The following APP variants were observed in gnomAD, a reference collection of about 807,000 sequenced individuals.
The protein encoded by APP is amyloid-beta precursor protein.
APP carries 31 observed loss-of-function variants against 101.4 expected under a neutral mutation model. The observed-to-expected ratio is 0.31, with a 90% CI of 0.23 to 0.41. APP has a LOEUF of 0.41. Among genes scored for constraint, APP ranks in the 10% least tolerant of loss-of-function variants. APP has a pLI of 1.00. For missense variants in APP, 839 were observed against 1,003.7 expected, an observed-to-expected ratio of 0.84 and a Z score of 2.22; for synonymous variants, 366 against 364.4, an observed-to-expected ratio of 1.00 and a Z score of -0.05.
At chr21:25,918,416 C>G (rs914050431) in intron 13 of APP, among the ~76,000 whole-genome samples, 1 of 152,140 alleles carries the variant, frequency 6.6e-6, no homozygotes, top group African/African-American at 2.4e-5. Flanking sequence ...GTCTACAGCT[C>G]CCAGCGTGAG....
intron 13 of APP, chr21:25,942,830 T>A (rs555045335): frequency 6.6e-6 from 1 of 152,192 alleles, no homozygotes; most frequent in Non-Finnish European, 1.5e-5. Context: ...ACGCTCAGGG[T>A]ATTAAGTATA....
At chr21:26,129,909 G>A (rs1338295555) in intron 1 of APP, among the ~76,000 whole-genome samples, 1 of 152,168 alleles carries the variant, frequency 6.6e-6, no homozygotes, top group Non-Finnish European at 1.5e-5. Context: ...TAGAGGGAAG[G>A]TCTTTAGAAA....
At chr21:26,044,766 C>T (rs540400861) in intron 5 of APP, among the ~76,000 whole-genome samples, 6 of 152,216 alleles carry the variant, frequency 3.9e-5, no homozygotes, top group Non-Finnish European at 5.9e-5. Context: ...CTCGAACTCC[C>T]AACCTCAGGC....
intron 3 of APP, among the ~76,000 whole-genome samples, chr21:26,056,631 T>C (rs1042411075): frequency 2.7e-5 from 4 of 150,078 alleles, no homozygotes; most frequent in Non-Finnish European, 5.9e-5. Flanking sequence ...AAGTGGTTAC[T>C]GAACTTTCTA....
chr21:25,905,883 G>T (rs2038763291), intron 14 of APP, among the ~76,000 whole-genome samples: 1 of 152,180 alleles, frequency 6.6e-6, no homozygotes, highest in African/African-American at 2.4e-5. Flanking sequence ...GCTGGCGTTT[G>T]AAGAAACAAG....
At chr21:25,991,569 G>A (rs578097853) in intron 8 of APP, among the ~76,000 whole-genome samples, 1 of 152,146 alleles carries the variant, frequency 6.6e-6, no homozygotes, top group Non-Finnish European at 1.5e-5. Context: ...GCAGAGATGG[G>A]GTTTCGCCAT....
intron 1 of APP, among the ~76,000 whole-genome samples, chr21:26,153,945 C>T (rs1447845272): frequency 6.6e-6 from 1 of 152,160 alleles, no homozygotes; most frequent in Non-Finnish European, 1.5e-5. Context: ...AAAAGTTCAT[C>T]CATCATGCAT....
intron 2 of APP, among the ~76,000 whole-genome samples, chr21:26,097,248 C>T (rs986927541): frequency 1.3e-5 from 2 of 152,192 alleles, no homozygotes; most frequent in Admixed American, 6.5e-5. Context: ...CCACTTGCTA[C>T]CTCCTATTCT....
chr21:26,103,825 T>G (rs561259220), intron 2 of APP, among the ~76,000 whole-genome samples: 1 of 152,216 alleles, frequency 6.6e-6, no homozygotes, highest in Non-Finnish European at 1.5e-5. Flanking sequence ...TAAAATCCAC[T>G]GTAAGGCATG....
chr21:25,957,859 C>T (rs1234657472), intron 11 of APP, among the ~76,000 whole-genome samples: 1 of 152,012 alleles, frequency 6.6e-6, no homozygotes, highest in African/African-American at 2.4e-5. Flanking sequence ...TGACACATGC[C>T]TGCAGTTCCA....
intron 13 of APP, among the ~76,000 whole-genome samples, chr21:25,926,604 T>G (rs1257214514): frequency 6.6e-6 from 1 of 152,088 alleles, no homozygotes; most frequent in Non-Finnish European, 1.5e-5. Flanking sequence ...TCCTGAGAAG[T>G]ATACTTAAAA....
chr21:26,088,275 T>C (rs1411874923), intron 3 of APP, among the ~76,000 whole-genome samples: 1 of 152,228 alleles, frequency 6.6e-6, no homozygotes, highest in Non-Finnish European at 1.5e-5. Flanking sequence ...ACAATCTTAA[T>C]GTGGATTTCA....
chr21:26,131,856 A>C (rs1032592265), intron 1 of APP, among the ~76,000 whole-genome samples: 3 of 152,206 alleles, frequency 2.0e-5, no homozygotes, highest in Non-Finnish European at 4.4e-5. Context: ...TAATGTATAC[A>C]GATGAATGTC....
Position 25,955,810 on chromosome 21 carries a change from T to C in APP, c.1459-55A>G. On this transcript the variant is annotated intron_variant, in intron 11 of 17. Coordinates refer to ENST00000346798, the MANE Select transcript of APP (RefSeq NM_000484.4). ...CAAGTTTGTGCAAAACACTGCTTCT[T>C]CCATTGGCGATGGGTTAGAGGTTCC... 2.5e-6 allele frequency: 4 copies of C among 1,612,738 alleles called. No homozygotes were observed. In the South Asian group the frequency reaches 4.4e-5, roughly 18 times the overall value.
chr21:25,896,413 A>AACAC (rs1326669586), intron 16 of APP, among the ~76,000 whole-genome samples: 1 of 143,680 alleles, frequency 7.0e-6, no homozygotes, highest in African/African-American at 2.5e-5. Context: ...GGAAAAAAGT[A>AACAC]ACACTCACAC....
At chr21:26,050,569 AC>A (rs1300134453) in intron 5 of APP, among the ~76,000 whole-genome samples, 1 of 152,276 alleles carries the variant, frequency 6.6e-6, no homozygotes, top group African/African-American at 2.4e-5. Context: ...CCAAAAAAAA[AC>A]CCTTACACAT....
chr21:25,890,175 C>T (rs1011085998), intron 17 of APP, among the ~76,000 whole-genome samples: 1 of 152,152 alleles, frequency 6.6e-6, no homozygotes, highest in Non-Finnish European at 1.5e-5. Flanking sequence ...CACCCTGCTG[C>T]CTGCTGTTCT....
intron 6 of APP, among the ~76,000 whole-genome samples, chr21:26,012,574 G>C (rs1331555647): frequency 6.6e-6 from 1 of 152,182 alleles, no homozygotes; most frequent in Non-Finnish European, 1.5e-5. Flanking sequence ...TCTGCTTTTG[G>C]AAACTCATTG....
rs1320663780 is a variant in APP at position 26,004,387 on chromosome 21, G to A, written c.866-4205C>T. On this transcript the variant is annotated intron_variant, in intron 6 of 17. Transcript: ENST00000346798. ...AGGCTTCGCCAAGCTCCGCCTCCCA[G>A]GTTCACGCCATTCTCCTGCCTCAGC... is the stretch of plus-strand genomic sequence containing the variant. 2.7e-5 allele frequency among the ~76,000 whole-genome samples: 4 copies of A among 149,020 alleles called. No individual in the cohort carries two copies. The Admixed American group carries it at 2.7e-4, about 10-fold the overall frequency.
Sources: gnomAD v4.1 joint callset for allele counts (sites outside exome capture counted in the v4.1 genomes callset) on GRCh38, gnomAD v4.1.1 for gene constraint, MANE v1.5 for transcripts, NCBI Gene and HGNC (gene_info 2026-07-23, HGNC 2026-07-21) for gene names.